WDR44: variants seen among roughly 807,000 people sequenced by gnomAD.
The protein encoded by WDR44 is WD repeat domain 44, also known as WD repeat-containing protein 44.
Under a neutral mutation model 65.7 loss-of-function variants are expected in WDR44, and 9 were observed. The observed-to-expected ratio is 0.14, with a 90% CI of 0.08 to 0.24. The LOEUF (loss-of-function observed/expected upper bound fraction) is 0.24. WDR44 is among the 10% of genes least tolerant of loss of function. The pLI is 1.00. For missense variants in WDR44, 425 were observed against 670.9 expected, an observed-to-expected ratio of 0.63 and a Z score of 4.05; for synonymous variants, 220 against 235.2, an observed-to-expected ratio of 0.94 and a Z score of 0.59.
intron 12 of WDR44, 105 bp from the exon 13 acceptor site, chrX:118,432,675 AT>A (rs1408375881): frequency 1.4e-6 from 1 of 716,206 alleles, no homozygotes; most frequent in East Asian, 3.2e-5. Context: ...GTGACTCAAG[AT>A]TTCAATCAGG....
chrX:118,356,327 A>G (rs2056458897), intron 1 of WDR44, among the ~76,000 whole-genome samples: 1 of 111,585 alleles, frequency 9.0e-6, no homozygotes, highest in African/African-American at 3.3e-5. Flanking sequence ...AAACCCCCTC[A>G]GGATATGAGC....
chrX:118,436,168 T>A (rs5956059), intron 13 of WDR44, among the ~76,000 whole-genome samples: 14,898 of 111,804 alleles, frequency 0.13, 1,103 homozygotes, highest in African/African-American at 0.28. Context: ...TCTGAAAGAT[T>A]TGACAATTTC....
intron 18 of WDR44, among the ~76,000 whole-genome samples, chrX:118,444,063 AAG>A (rs1403377103): frequency 9.1e-6 from 1 of 109,438 alleles, no homozygotes; most frequent in African/African-American, 3.4e-5. Context: ...GACAAAAAAA[AAG>A]AAGAAGTAAA....
At chrX:118,415,975 G>A (rs1041304652) in intron 12 of WDR44, among the ~76,000 whole-genome samples, 15 of 111,757 alleles carry the variant, frequency 1.3e-4, no homozygotes, top group Middle Eastern at 4.6e-3. Context: ...GCATAAAGGT[G>A]TTCATAGTAG....
At chrX:118,384,785 C>T (rs979254410) in intron 2 of WDR44, among the ~76,000 whole-genome samples, 12 of 111,670 alleles carry the variant, frequency 1.1e-4, no homozygotes, top group South Asian at 3.7e-4. Context: ...GCCATTTTAA[C>T]GATATTGATT....
intron 12 of WDR44, among the ~76,000 whole-genome samples, chrX:118,422,688 T>C (rs1273962250): frequency 2.8e-5 from 3 of 107,013 alleles, no homozygotes; most frequent in African/African-American, 1.0e-4. Flanking sequence ...CAAAACTCCG[T>C]CTCAAAAAAA....
chrX:118,381,576 C>CTT (rs371445545), intron 2 of WDR44, among the ~76,000 whole-genome samples: 4,666 of 87,076 alleles, frequency 0.054, 372 homozygotes, highest in African/African-American at 0.2. Flanking sequence ...GTTCTTTCTT[C>CTT]TTTTTTTTTT....
chrX:118,428,244 C>T (rs1200173706), intron 12 of WDR44, among the ~76,000 whole-genome samples: 4 of 109,491 alleles, frequency 3.7e-5, no homozygotes, highest in Non-Finnish European at 1.9e-5. Context: ...GCCAAGATTT[C>T]ACCACTGCAC....
Position 118,441,505 on chromosome X carries a change from C to G in WDR44, c.2112C>G (p.Gly704=), listed in dbSNP as rs969834689. 1 of 1,210,665 alleles carries G rather than the reference C, an allele frequency of 8.3e-7. No individual in the cohort carries two copies. Among genetic ancestry groups the G allele is most frequent in the East Asian group, 3.0e-5 (1 of 33,832 alleles). ...CAGCTGCAAATTTCTGTCAGAATGG[C>G]AAATATGCAGTGATTGGGACATATG... ...LITAANFCQN[G]KYAVIGTYDG... Residue 704 remains glycine (G), a synonymous_variant, in exon 15 of 20, where the codon GGC becomes GGG. Coordinates refer to ENST00000254029, the MANE Select transcript of WDR44 (RefSeq NM_019045.5).
intron 1 of WDR44, among the ~76,000 whole-genome samples, chrX:118,348,449 C>T (rs1402863721): frequency 3.6e-5 from 4 of 111,839 alleles, no homozygotes; most frequent in Non-Finnish European, 7.5e-5. Flanking sequence ...TTTTTTGGAA[C>T]TCAGCTTTCT....
At chrX:118,427,453 G>A (rs1287336045) in intron 12 of WDR44, among the ~76,000 whole-genome samples, 2 of 107,950 alleles carry the variant, frequency 1.9e-5, no homozygotes, top group African/African-American at 6.8e-5. Context: ...TGTATTTTTA[G>A]TAGAGACGGG....
At chrX:118,348,653 C>T (rs1176190021) in intron 1 of WDR44, among the ~76,000 whole-genome samples, 1 of 111,660 alleles carries the variant, frequency 9.0e-6, no homozygotes, top group Non-Finnish European at 1.9e-5. Flanking sequence ...TTACATTTTC[C>T]TCTATCCTTT....
intron 11 of WDR44, 83 bp downstream of exon 11, chrX:118,409,710 C>T (rs1248682801): frequency 3.1e-6 from 3 of 960,552 alleles, no homozygotes; most frequent in Non-Finnish European, 4.2e-6. Flanking sequence ...TTCTGGCAGT[C>T]ATTTGCAGCA....
At chrX:118,360,735 A>G (rs867397582) in intron 1 of WDR44, among the ~76,000 whole-genome samples, 1 of 112,306 alleles carries the variant, frequency 8.9e-6, no homozygotes, top group South Asian at 3.7e-4. Context: ...TCCTTGGTGC[A>G]CTGCTTAAGC....
intron 12 of WDR44, among the ~76,000 whole-genome samples, chrX:118,429,154 G>A (rs914087750): frequency 4.5e-5 from 5 of 110,844 alleles, no homozygotes; most frequent in African/African-American, 1.3e-4. Context: ...CCTGGCACAC[G>A]TTTATGTAAG....
chrX:118,435,309 G>A (rs1051193539), intron 13 of WDR44, among the ~76,000 whole-genome samples: 6 of 111,813 alleles, frequency 5.4e-5, no homozygotes, highest in Non-Finnish European at 1.9e-5. Flanking sequence ...ACAGAGTCTC[G>A]CTCTGTTGCC....
chrX:118,436,850 T>C, intron 14 of WDR44, 26 bp downstream of exon 14: 1 of 1,145,691 alleles, frequency 8.7e-7, no homozygotes, highest in African/African-American at 1.8e-5. Context: ...TACATGTTTT[T>C]GTTAACCTCT....
chrX:118,431,784 C>T (rs982052264), intron 12 of WDR44, among the ~76,000 whole-genome samples: 1 of 112,186 alleles, frequency 8.9e-6, no homozygotes, highest in African/African-American at 3.2e-5. Flanking sequence ...AAACTTTGGA[C>T]TTACAGTTAG....
At chrX:118,440,086 C>A (rs1197949221) in intron 14 of WDR44, among the ~76,000 whole-genome samples, 1 of 100,958 alleles carries the variant, frequency 9.9e-6, no homozygotes. Context: ...AGCCTCTGTA[C>A]TCCAGCCTGG....
Sources: allele counts gnomAD v4.1 joint callset (sites outside exome capture counted in the v4.1 genomes callset), GRCh38; gene constraint gnomAD v4.1.1; transcripts MANE v1.5; gene names NCBI Gene and HGNC (gene_info 2026-07-23, HGNC 2026-07-21).